The following TTC28 variants were observed in gnomAD, a reference collection of about 807,000 sequenced individuals.
The protein encoded by TTC28 is tetratricopeptide repeat protein 28.
A neutral mutation model predicts 198.0 loss-of-function variants in TTC28; 61 were observed. The observed-to-expected ratio is 0.31, with a 90% CI of 0.25 to 0.38. TTC28 has a LOEUF of 0.38. TTC28 is among the 10% of genes least tolerant of loss of function. The probability of loss-of-function intolerance (pLI) is 1.00; values close to 1 mark genes in which losing one functional copy is unlikely to be tolerated. For missense variants in TTC28, 2,678 were observed against 3,164.0 expected, an observed-to-expected ratio of 0.85 and a Z score of 3.69; for synonymous variants, 1,171 against 1,297.8, an observed-to-expected ratio of 0.90 and a Z score of 2.10.
intron 2 of TTC28, among the ~76,000 whole-genome samples, chr22:28,614,401 A>T (rs2050868341): frequency 6.6e-6 from 1 of 152,220 alleles, no homozygotes; most frequent in Non-Finnish European, 1.5e-5. Context: ...TGCTATCCCC[A>T]TCAAGCTACC....
chr22:28,248,702 A>G (rs1437828849), intron 5 of TTC28, among the ~76,000 whole-genome samples: 1 of 152,144 alleles, frequency 6.6e-6, no homozygotes, highest in Non-Finnish European at 1.5e-5. Flanking sequence ...TTGTAAAACT[A>G]TAGGGCTAAT....
At chr22:28,670,841 T>C (rs1051078676) in intron 1 of TTC28, among the ~76,000 whole-genome samples, 4 of 152,004 alleles carry the variant, frequency 2.6e-5, no homozygotes, top group Non-Finnish European at 4.4e-5. Context: ...GAGCTCCAAT[T>C]TCTCCACATC....
intron 2 of TTC28, among the ~76,000 whole-genome samples, chr22:28,396,197 A>G (rs1263613799): frequency 6.6e-6 from 1 of 152,228 alleles, no homozygotes; most frequent in Non-Finnish European, 1.5e-5. Context: ...CAAAGAATGA[A>G]GTATGTGTGT....
intron 5 of TTC28, among the ~76,000 whole-genome samples, chr22:28,205,260 T>C (rs1016100667): frequency 6.6e-6 from 1 of 152,030 alleles, no homozygotes; most frequent in Non-Finnish European, 1.5e-5. Context: ...AATGACTCCA[T>C]TCAACCTCAT....
intron 2 of TTC28, among the ~76,000 whole-genome samples, chr22:28,588,553 T>C (rs1486038105): frequency 6.6e-6 from 1 of 152,210 alleles, no homozygotes; most frequent in Non-Finnish European, 1.5e-5. Context: ...CACCACTTGC[T>C]ATGCATCTCA....
At chr22:28,392,810 G>A (rs150191302) in intron 2 of TTC28, among the ~76,000 whole-genome samples, 286 of 150,156 alleles carry the variant, frequency 1.9e-3, no homozygotes, top group East Asian at 6.7e-3. Flanking sequence ...CTTCTGCATC[G>A]CTCACGCTGG....
chr22:28,091,379 C>T (rs921249173), intron 12 of TTC28, among the ~76,000 whole-genome samples: 8 of 152,158 alleles, frequency 5.3e-5, no homozygotes, highest in Non-Finnish European at 1.0e-4. Context: ...ACAGGCTGAG[C>T]CCCATGAATG....
chr22:28,210,861 G>C (rs1265839967), intron 5 of TTC28, among the ~76,000 whole-genome samples: 1 of 152,016 alleles, frequency 6.6e-6, no homozygotes. Context: ...TGAAACGAAG[G>C]AAAAAATGCT....
At chr22:28,585,182 C>T (rs545703549) in intron 2 of TTC28, among the ~76,000 whole-genome samples, 8 of 152,150 alleles carry the variant, frequency 5.3e-5, no homozygotes, top group Non-Finnish European at 7.4e-5. Flanking sequence ...GAGATGGTTT[C>T]GGGATGATTC....
At position 27,981,214 on chromosome 22, in the gene TTC28, C is replaced by G. The variant is rs5752675; in HGVS notation, c.*1007G>C. On this transcript the variant is annotated 3_prime_UTR_variant, in exon 23 of 23. Coordinates refer to ENST00000397906, the MANE Select transcript of TTC28 (RefSeq NM_001145418.2). ...CTGGAAGGCGGGATTCTGGTTAAATCTAGTTAGCCATGGAAATTTTTTTTT... is the reference window on the plus strand; with the variant it reads ...CTGGAAGGCGGGATTCTGGTTAAATGTAGTTAGCCATGGAAATTTTTTTTT... The G allele has an allele frequency of 4.0e-5, 4 of 99,486 alleles. No individual in the cohort carries two copies. Among genetic ancestry groups the G allele is most frequent in the African/African-American group, 1.6e-4 (4 of 25,736 alleles). 6.2% of individuals were successfully genotyped at this position (99,486 alleles called of 1,614,324 possible).
chr22:28,490,313 A>AT (rs1193033871), intron 2 of TTC28, among the ~76,000 whole-genome samples: 1 of 152,014 alleles, frequency 6.6e-6, no homozygotes, highest in Non-Finnish European at 1.5e-5. Flanking sequence ...AAGTAACAAC[A>AT]TTTTTTTTCT....
chr22:28,004,131 C>T (rs141046402), intron 14 of TTC28, among the ~76,000 whole-genome samples: 3 of 152,304 alleles, frequency 2.0e-5, no homozygotes, highest in South Asian at 2.1e-4. Context: ...TGACGCTGGG[C>T]CCACCCAGGA....
At chr22:28,020,197 G>A (rs760470532) in intron 13 of TTC28, among the ~76,000 whole-genome samples, 4 of 152,330 alleles carry the variant, frequency 2.6e-5, no homozygotes, top group South Asian at 2.1e-4. Context: ...GCACCACCCC[G>A]GGGCTCCAGC....
chr22:28,403,492 T>G (rs1342374534), intron 2 of TTC28, among the ~76,000 whole-genome samples: 4 of 152,210 alleles, frequency 2.6e-5, no homozygotes. Context: ...GTCAAAGTTT[T>G]GCTAACATTT....
At chr22:28,311,359 A>G (rs1023613149) in intron 2 of TTC28, among the ~76,000 whole-genome samples, 12 of 152,194 alleles carry the variant, frequency 7.9e-5, no homozygotes, top group Non-Finnish European at 1.8e-4. Context: ...CAACTGGGTC[A>G]AAAGCAAAAA....
chr22:28,404,403 C>T (rs916009779), intron 2 of TTC28, among the ~76,000 whole-genome samples: 13 of 152,316 alleles, frequency 8.5e-5, no homozygotes, highest in Admixed American at 1.3e-4. Context: ...TGGCGTGAGA[C>T]ACCGCGCCCG....
At chr22:28,367,524 TA>T (rs1396828992) in intron 2 of TTC28, among the ~76,000 whole-genome samples, 6 of 151,596 alleles carry the variant, frequency 4.0e-5, no homozygotes, top group Non-Finnish European at 8.9e-5. Context: ...GCATCTTAAT[TA>T]AAAAAGCAAG....
chr22:28,390,939 C>T (rs1032722634), intron 2 of TTC28, among the ~76,000 whole-genome samples: 6 of 152,134 alleles, frequency 3.9e-5, no homozygotes, highest in African/African-American at 1.2e-4. Flanking sequence ...TTCCTAGCCT[C>T]GATGGTCTAC....
At chr22:28,659,214 A>T (rs2051704927) in intron 1 of TTC28, among the ~76,000 whole-genome samples, 1 of 152,348 alleles carries the variant, frequency 6.6e-6, no homozygotes, top group East Asian at 1.9e-4. Flanking sequence ...ATCACAGTAT[A>T]AAAATGTCTC....
Sources: allele counts gnomAD v4.1 joint callset (sites outside exome capture counted in the v4.1 genomes callset), GRCh38; gene constraint gnomAD v4.1.1; transcripts MANE v1.5; gene names NCBI Gene and HGNC (gene_info 2026-07-23, HGNC 2026-07-21).